The following TRIM5 variants were observed in gnomAD, a reference collection of about 807,000 sequenced individuals.
TRIM5 encodes the protein tripartite motif containing 5.
In TRIM5, 31 loss-of-function variants were observed where a neutral mutation model predicts 35.6. That is an observed-to-expected ratio of 0.87 (90% CI 0.65 to 1.18). The LOEUF is 1.18. Among genes scored for constraint, TRIM5 ranks in the 50% most tolerant of loss-of-function variants. The pLI is 0.00. For synonymous variants in TRIM5, 243 were observed against 215.6 expected, an observed-to-expected ratio of 1.13 and a Z score of -1.11; for missense variants, 609 against 591.6, an observed-to-expected ratio of 1.03 and a Z score of -0.31.
At chr11:5,624,005 C>T in the TRIM5 span, among the ~76,000 whole-genome samples, 1 of 152,172 alleles carries the variant, frequency 6.6e-6, no homozygotes, top group Non-Finnish European at 1.5e-5. Flanking sequence ...TTATATTCCT[C>T]ATGAAAATGG....
the TRIM5 span, among the ~76,000 whole-genome samples, chr11:5,629,695 G>A: frequency 5.3e-5 from 8 of 152,226 alleles, no homozygotes; most frequent in Middle Eastern, 3.4e-3. Flanking sequence ...TGAGCTCTCC[G>A]TGAGGATTCT....
the TRIM5 span, among the ~76,000 whole-genome samples, chr11:5,641,882 C>G: frequency 2.6e-5 from 4 of 152,058 alleles, no homozygotes; most frequent in African/African-American, 9.7e-5. Context: ...TCGTGTTTCC[C>G]AGGAATCTGA....
In TRIM5 at chr11:5,665,122, T is replaced by C. The variant is rs1269064018; in HGVS notation, c.1169A>G (p.Asn390Ser). The change falls in exon 8 of 8, where the codon AAT (asparagine) becomes AGT (serine). Residue 390 changes from asparagine (N) to serine (S), a missense_variant. Physicochemically the swap from Asn to Ser is conservative, Grantham distance 46. Transcript: ENST00000380034. ...QPDAMCNIEK[N>S]ENYQPKYGYW... ...GCCGTATTTAGGTTGATAATTTTCA[T>C]TTTTTTCAATATTACACATTGCATC... 1.9e-6 allele frequency: 3 copies of C among 1,613,920 alleles called. No homozygotes were observed. The highest frequency in any genetic ancestry group is 1.7e-5 in the Admixed American group (1 of 59,986).
the TRIM5 span, among the ~76,000 whole-genome samples, chr11:5,644,593 T>C: frequency 6.6e-6 from 1 of 152,218 alleles, no homozygotes. Flanking sequence ...ATATTTAAGA[T>C]ATATATACTA....
chr11:5,615,417 T>A, the TRIM5 span, among the ~76,000 whole-genome samples: 1 of 152,214 alleles, frequency 6.6e-6, no homozygotes, highest in Non-Finnish European at 1.5e-5. Context: ...TTTTTGAAGC[T>A]CTTTTGTAAG....
the TRIM5 span, among the ~76,000 whole-genome samples, chr11:5,635,912 T>C: frequency 2.2e-3 from 332 of 152,372 alleles, no homozygotes; most frequent in Non-Finnish European, 3.7e-3. Context: ...TGTGAAGAAA[T>C]TGAAACCTTC....
In TRIM5 at chr11:5,678,950, T is replaced by C. The variant is rs1852207544; in HGVS notation, c.513+124A>G. ...CCACCACACCCCATCAGGGAAAGGA[T>C]GAAGAGGACTAATCAAATGACTTCT... On this transcript the variant is annotated intron_variant, in intron 3 of 7. Transcript: ENST00000380034. 1.2e-5 allele frequency: 9 copies of C among 778,642 alleles called. No homozygotes were observed. The South Asian group carries it at 1.3e-4, about 11-fold the overall frequency. The allele number at this position is 778,642 out of a possible 1,614,324, so 48.2% of individuals were successfully genotyped here.
the TRIM5 span, among the ~76,000 whole-genome samples, chr11:5,625,471 A>AGTT: frequency 2.0e-5 from 3 of 152,054 alleles, no homozygotes; most frequent in South Asian, 2.1e-4. Flanking sequence ...TGGTGAAAGG[A>AGTT]GGTCTCTGTT....
rs1850972618 is a variant in TRIM5, at chr11:5,664,421, TTCATTGGTGAA to T, written c.*377_*387del. 9.9e-7 allele frequency: 1 copy of T among 1,009,784 alleles called. No homozygotes were observed. Among genetic ancestry groups the T allele is most frequent in the Admixed American group, 5.1e-5 (1 of 19,476 alleles). 62.6% of individuals were successfully genotyped at this position (1,009,784 alleles called of 1,614,324 possible). On this transcript the variant is annotated 3_prime_UTR_variant, in exon 8 of 8. Transcript: ENST00000380034. The stretch of plus-strand genomic sequence containing the variant: ...AAACTGACACAGGGCTAAGGACTCA[TTCATTGGTGAA>T]CAATTATCACACGATGATATAGAAA...
chr11:5,619,255 AT>A, the TRIM5 span, among the ~76,000 whole-genome samples: 8,044 of 152,304 alleles, frequency 0.053, 286 homozygotes, highest in East Asian at 0.17. Flanking sequence ...CATTATCAAT[AT>A]TTTGATGTCC....
chr11:5,657,650 T>C, the TRIM5 span, among the ~76,000 whole-genome samples: 1 of 116,750 alleles, frequency 8.6e-6, no homozygotes, highest in African/African-American at 3.4e-5. Context: ...ATTTATATAT[T>C]ATATATAATA....
chr11:5,679,694 G>A, intron 2 of TRIM5, 67 bp downstream of exon 2: 1 of 1,493,584 alleles, frequency 6.7e-7, no homozygotes, highest in South Asian at 1.4e-5. Context: ...TAATGTCAAA[G>A]GCAAAGTGAA....
intron 1 of TRIM5, among the ~76,000 whole-genome samples, chr11:5,683,588 A>G (rs1332047382): frequency 6.6e-6 from 1 of 151,954 alleles, no homozygotes; most frequent in Admixed American, 6.6e-5. Context: ...TAAACACACC[A>G]ATCAGCACCC....
chr11:5,669,324 C>G (rs566187344), intron 4 of TRIM5, among the ~76,000 whole-genome samples: 162 of 152,318 alleles, frequency 1.1e-3, no homozygotes, highest in African/African-American at 3.8e-3. Flanking sequence ...AGGCGATCCG[C>G]CTGCCTCAGC....
At chr11:5,610,011 G>A in the TRIM5 span, 2 of 837,136 alleles carry the variant, frequency 2.4e-6, no homozygotes, top group Admixed American at 2.7e-5. Flanking sequence ...TGCCAGGGCT[G>A]TTTGCAGAAT....
the TRIM5 span, among the ~76,000 whole-genome samples, chr11:5,630,093 C>T: frequency 1.3e-5 from 2 of 152,144 alleles, no homozygotes; most frequent in East Asian, 1.9e-4. Context: ...CTTACATCAA[C>T]GGATTGATTC....
chr11:5,609,913 A>C, the TRIM5 span, among the ~76,000 whole-genome samples: 5,352 of 151,316 alleles, frequency 0.035, 119 homozygotes, highest in Non-Finnish European at 0.053. Flanking sequence ...ACAGAGCGAG[A>C]CTCCTTCTCA....
chr11:5,679,970 T>C lies in TRIM5; in HGVS notation c.208A>G (p.Asn70Asp). ...ISYQPENIRP[N>D]RHVANIVEKL... ...TCCACTATGTTGGCTACATGCCGAT[T>C]AGGCCGTATGTTCTCAGGCTGGTAA... The change falls in exon 2 of 8, where the codon AAT becomes GAT. Residue 70 changes from asparagine to aspartate, a missense_variant. Physicochemically the swap from Asn to Asp is conservative, Grantham distance 23. Transcript: ENST00000380034. 3.1e-6 allele frequency: 5 copies of C among 1,614,110 alleles called. No homozygotes were observed. The highest frequency in any genetic ancestry group is 4.2e-6 in the Non-Finnish European group (5 of 1,180,000).
the TRIM5 span, among the ~76,000 whole-genome samples, chr11:5,602,598 A>C: frequency 6.6e-6 from 1 of 151,940 alleles, no homozygotes; most frequent in African/African-American, 2.4e-5. Context: ...AAATGCAAAA[A>C]TCCTGAGGCA....
Sources: gnomAD v4.1 joint callset for allele counts (sites outside exome capture counted in the v4.1 genomes callset) on GRCh38, gnomAD v4.1.1 for gene constraint, MANE v1.5 for transcripts, NCBI Gene and HGNC (gene_info 2026-07-23, HGNC 2026-07-21) for gene names.